The following KIF12 variants were observed in gnomAD, a reference collection of about 807,000 sequenced individuals.
KIF12 encodes the protein kinesin-like protein KIF12.
KIF12 carries 80 observed loss-of-function variants against 87.9 expected under a neutral mutation model. That is an observed-to-expected ratio of 0.91 (90% CI 0.76 to 1.10). The LOEUF is 1.10. Among genes scored for constraint, KIF12 ranks in the 50% least tolerant of loss-of-function variants. The pLI is 0.00. For synonymous variants in KIF12, 353 were observed against 348.5 expected, an observed-to-expected ratio of 1.01 and a Z score of -0.14; for missense variants, 819 against 865.3, an observed-to-expected ratio of 0.95 and a Z score of 0.67.
At position 114,098,424 on chromosome 9, in the gene KIF12, A is replaced by G. The variant is rs1312627636; in HGVS notation, c.177T>C (p.Ser59=). The G allele has an allele frequency of 3.5e-6, 5 of 1,412,970 alleles. No homozygotes were observed. The highest frequency in any genetic ancestry group is 4.6e-6 in the Non-Finnish European group (5 of 1,075,546). 87.5% of individuals were successfully genotyped at this position (1,412,970 alleles called of 1,614,324 possible). Residue 59 remains serine, a synonymous_variant, in exon 4 of 19, where the codon AGT becomes AGC. Coordinates refer to ENST00000640217, the MANE Select transcript of KIF12 (RefSeq NM_001388308.1). ...HCSGTRTLQV[S]PPGGGPEVAF... ...CCACTTCTGGACCCCCGCCTGGAGG[A>G]CTCACCTGGCGCGGGTGGGGCGGAG...
At chr9:114,098,279 A>G in intron 4 of KIF12, 23 bp downstream of exon 4, 3 of 1,491,918 alleles carry the variant, frequency 2.0e-6, no homozygotes, top group Non-Finnish European at 1.8e-6. Context: ...CCCGGCGCGG[A>G]GCGGAGGCGA....
intron 11 of KIF12, 30 bp downstream of exon 11, chr9:114,094,993 G>A (rs1441428313): frequency 1.3e-6 from 2 of 1,517,816 alleles, no homozygotes; most frequent in Non-Finnish European, 1.8e-6. Context: ...CTCCACGCCT[G>A]TCCCTCAGCT....
In KIF12 at chr9:114,095,324, T is replaced by A; in HGVS notation, c.904A>T (p.Ile302Phe). 2 of 1,613,146 alleles carry A rather than the reference T, an allele frequency of 1.2e-6. No individual in the cohort carries two copies. The highest frequency in any genetic ancestry group is 1.7e-6 in the Non-Finnish European group (2 of 1,179,938). ...CGCTGTGGGTCCAGCAGCAGGGAGA[T>A]GCAGTGACCTGGGGAGGGAGAGCAA... is the stretch of plus-strand genomic sequence containing the variant. ...NRSLLALGHCISLLLDPQRKQ... is the reference protein window; with the variant it reads ...NRSLLALGHCFSLLLDPQRKQ... The change falls in exon 10 of 19, where the codon ATC (isoleucine) becomes TTC (phenylalanine). Residue 302 changes from isoleucine (I) to phenylalanine (F), a missense_variant. Physicochemically the swap from Ile to Phe is conservative, Grantham distance 21. Coordinates refer to ENST00000640217, the MANE Select transcript of KIF12 (RefSeq NM_001388308.1).
intron 8 of KIF12, 38 bp downstream of exon 8, chr9:114,096,349 G>A: frequency 1.9e-6 from 3 of 1,600,546 alleles, no homozygotes; most frequent in Non-Finnish European, 2.6e-6. Context: ...CTTGCTTGGT[G>A]GCCCCGGGTA....
At position 114,093,279 on chromosome 9, in the gene KIF12, C is replaced by T; in HGVS notation, c.1546G>A (p.Val516Met). 1 of 1,560,258 alleles carries T rather than the reference C, an allele frequency of 6.4e-7. No individual in the cohort carries two copies. Among genetic ancestry groups the T allele is most frequent in the African/African-American group, 1.4e-5 (1 of 73,848 alleles). Reference sequence around the variant, plus strand: ...AGGCAGGCCCAGTGGGCCAGGGGCACTCGACACAGTGGGCAGATGTGGCAG... The same window carrying T: ...AGGCAGGCCCAGTGGGCCAGGGGCATTCGACACAGTGGGCAGATGTGGCAG... Reference protein sequence around the residue: ...PCCHICPLCRVPLAHWACLPG... With the variant: ...PCCHICPLCRMPLAHWACLPG... The change falls in exon 16 of 19, where the codon GTG becomes ATG. Residue 516 changes from valine to methionine, a missense_variant. Val to Met is a conservative substitution (Grantham distance 21, BLOSUM62 1). Coordinates refer to ENST00000640217, the MANE Select transcript of KIF12 (RefSeq NM_001388308.1).
chr9:114,098,102 G>A lies in KIF12; in HGVS notation c.375+13C>T, dbSNP rs1220545558. On this transcript the variant is annotated intron_variant, in intron 5 of 18. Coordinates refer to ENST00000640217, the MANE Select transcript of KIF12 (RefSeq NM_001388308.1). ...AGCCCCGCCCCGCGGGGGCGCCGCC[G>A]GCGCTCGCTCACCTGGGGAGGGGGT... is the stretch of plus-strand genomic sequence containing the variant. 5 of 1,544,016 alleles carry A rather than the reference G, an allele frequency of 3.2e-6. No individual in the cohort carries two copies. The highest frequency in any genetic ancestry group is 2.0e-5 in the Admixed American group (1 of 49,446).
chr9:114,096,199 C>A lies in KIF12; in HGVS notation c.747G>T (p.Gln249His), dbSNP rs754695309. ...TLYISRQTAQQMPSVDPGEPP... is the reference protein window; with the variant it reads ...TLYISRQTAQHMPSVDPGEPP... Reference sequence around the variant, plus strand: ...GCTCCCCAGGGTCCACAGAAGGCATCTGCTGGGCCTGAGGGATCAGAGCTT... The same window carrying A: ...GCTCCCCAGGGTCCACAGAAGGCATATGCTGGGCCTGAGGGATCAGAGCTT... Residue 249 changes from glutamine to histidine, a missense_variant, in exon 9 of 19, where the codon CAG becomes CAT. Transcript: ENST00000640217. 1 of 1,613,794 alleles carries A rather than the reference C, an allele frequency of 6.2e-7. No homozygotes were observed. The highest frequency in any genetic ancestry group is 2.2e-5 in the East Asian group (1 of 44,872).
At position 114,092,019 on chromosome 9, in the gene KIF12, C is replaced by G. The variant is rs565211937; in HGVS notation, c.1817-19G>C. 7 of 1,604,420 alleles carry G rather than the reference C, an allele frequency of 4.4e-6. No homozygotes were observed. Among genetic ancestry groups the G allele is most frequent in the Non-Finnish European group, 6.0e-6 (7 of 1,175,730 alleles). ...GCCCCACCTAAGGAGCAGTGAGACTCGAGGCCTGCCCTCTCCAGGGCCCTT... is the reference window on the plus strand; with the variant it reads ...GCCCCACCTAAGGAGCAGTGAGACTGGAGGCCTGCCCTCTCCAGGGCCCTT... On this transcript the variant is annotated intron_variant, in intron 18 of 18. Transcript: ENST00000640217.
rs1158850238 is a variant in KIF12 at position 114,092,642 on chromosome 9, C to G, written c.1597G>C (p.Val533Leu). 2 of 1,584,444 alleles carry G rather than the reference C, an allele frequency of 1.3e-6. No individual in the cohort carries two copies. Among genetic ancestry groups the G allele is most frequent in the South Asian group, 2.3e-5 (2 of 87,416 alleles). Reference protein sequence around the residue: ...CLPGEHHLPQVLDPEASGGRP... With the variant: ...CLPGEHHLPQLLDPEASGGRP... ...CCACCTGAGGCCTCAGGGTCCAACACCTGTAGGAAAGACCAGAGTCCACTC... is the reference window on the plus strand; with the variant it reads ...CCACCTGAGGCCTCAGGGTCCAACAGCTGTAGGAAAGACCAGAGTCCACTC... Residue 533 changes from valine to leucine, a missense_variant and splice_region_variant, in exon 17 of 19, where the codon GTG (valine) becomes CTG (leucine). By Grantham distance (32) the Val-to-Leu change is conservative (BLOSUM62 1). Coordinates refer to ENST00000640217, the MANE Select transcript of KIF12 (RefSeq NM_001388308.1).
chr9:114,099,201 C>G, intron 1 of KIF12, 32 bp from the exon 2 acceptor site: 1 of 1,551,098 alleles, frequency 6.4e-7, no homozygotes, highest in Non-Finnish European at 8.7e-7. Flanking sequence ...ATCATACCTG[C>G]ACCTAGCGGC....
intron 5 of KIF12, 25 bp downstream of exon 5, chr9:114,098,090 G>A (rs1034235309): frequency 2.7e-5 from 42 of 1,541,360 alleles, no homozygotes; most frequent in Non-Finnish European, 3.6e-5. Flanking sequence ...CCCGCCCCGC[G>A]GGGGCGCCGC....
At position 114,092,444 on chromosome 9, in the gene KIF12, T is replaced by C. The variant is rs756739099; in HGVS notation, c.1705A>G (p.Ser569Gly). ...AGGACTCGGGTCTGAGTCCAGTCAC[T>C]GTGACTCCTGGGCCAGGGTGAGTTG... ...SAKCPRERSH[S>G]DWTQTRVLAE... The change falls in exon 18 of 19, where the codon AGT (serine) becomes GGT (glycine). Residue 569 changes from serine (S) to glycine (G), a missense_variant. Coordinates refer to ENST00000640217, the MANE Select transcript of KIF12 (RefSeq NM_001388308.1). 8 of 1,613,686 alleles carry C rather than the reference T, an allele frequency of 5.0e-6. No homozygotes were observed. The South Asian group carries it at 8.8e-5, about 18-fold the overall frequency.
At chr9:114,097,560 G>A (rs374263054) in intron 6 of KIF12, 47 bp downstream of exon 6, 5 of 1,607,950 alleles carry the variant, frequency 3.1e-6, no homozygotes, top group South Asian at 1.1e-5. Flanking sequence ...GGAAAGAAGC[G>A]CTCCGTTTCC....
At chr9:114,094,068 A>G in intron 13 of KIF12, 96 bp from the exon 14 acceptor site, 1 of 1,450,550 alleles carries the variant, frequency 6.9e-7, no homozygotes, top group Non-Finnish European at 9.6e-7. Context: ...CAGTTCAGGA[A>G]GCAGGTGGGG....
At chr9:114,092,857 G>A (rs1426059065) in intron 16 of KIF12, 2 of 1,433,072 alleles carry the variant, frequency 1.4e-6, no homozygotes. Context: ...CCTGAGAGCA[G>A]GAACCACGTC....
intron 7 of KIF12, 49 bp from the exon 8 acceptor site, chr9:114,096,527 A>T: frequency 3.5e-6 from 5 of 1,430,572 alleles, no homozygotes; most frequent in Non-Finnish European, 3.9e-6. Flanking sequence ...AGAACAGGTC[A>T]TCATCAATGA....
At chr9:114,096,229 G>A in intron 8 of KIF12, 22 bp from the exon 9 acceptor site, 1 of 1,613,232 alleles carries the variant, frequency 6.2e-7, no homozygotes, top group Non-Finnish European at 8.5e-7. Context: ...GAGCTTCATG[G>A]GGACTTGGGA....
At chr9:114,093,594 C>T (rs912094102) in intron 14 of KIF12, 97 bp from the exon 15 acceptor site, 14 of 1,020,610 alleles carry the variant, frequency 1.4e-5, no homozygotes, top group Non-Finnish European at 2.1e-5. Context: ...GGATCCCGTA[C>T]CAGGTACCGG....
In KIF12 at chr9:114,093,902, C is replaced by A; in HGVS notation, c.1384G>T (p.Val462Phe). Residue 462 changes from valine (V) to phenylalanine (F), a missense_variant, in exon 14 of 19, where the codon GTC becomes TTC. Physicochemically the swap from Val to Phe is conservative, Grantham distance 50 (BLOSUM62 -1). Transcript: ENST00000640217. ...QNEQRILAQQ[V>F]HALERRLLSA... ...TCTGCTTACCTCTCTAGTGCATGGA[C>A]CTGCTGGGCCAGGATGCGCTGCTCA... 1 of 1,614,086 alleles carries A rather than the reference C, an allele frequency of 6.2e-7. No homozygotes were observed. Among genetic ancestry groups the A allele is most frequent in the Non-Finnish European group, 8.5e-7 (1 of 1,179,970 alleles).
Sources: gnomAD v4.1 joint callset for allele counts on GRCh38, gnomAD v4.1.1 for gene constraint, MANE v1.5 for transcripts, NCBI Gene and HGNC (gene_info 2026-07-23, HGNC 2026-07-21) for gene names.